ANKS1B: variants seen among roughly 807,000 people sequenced by gnomAD.
ANKS1B encodes the protein ankyrin repeat and sterile alpha motif domain containing 1B.
ANKS1B carries 36 observed loss-of-function variants against 148.3 expected under a neutral mutation model. The observed-to-expected ratio is 0.24, with a 90% CI of 0.19 to 0.32. The LOEUF (loss-of-function observed/expected upper bound fraction) is 0.32, where lower values mean the gene tolerates loss of function less well. Among genes scored for constraint, ANKS1B ranks in the 10% least tolerant of loss-of-function variants. The probability of loss-of-function intolerance (pLI) is 1.00; values close to 1 mark genes in which losing one functional copy is unlikely to be tolerated. For synonymous variants in ANKS1B, 542 were observed against 560.8 expected (o/e 0.97, Z 0.47); for missense variants, 1,157 against 1,542.6 (o/e 0.75, Z 4.19).
chr12:99,034,213 C>T lies in ANKS1B; in HGVS notation c.2778+18944G>A, dbSNP rs146741198. 2.0e-5 allele frequency among the ~76,000 whole-genome samples: 3 copies of T among 152,298 alleles called. No homozygotes were observed. The East Asian group carries it at 5.8e-4, about 29-fold the overall frequency. ...AGGAGTGGAGAAGAACCATGTTTGT[C>T]AGGAAGGCCCTGCATGCAAGAGAGC... On this transcript the variant is annotated intron_variant, in intron 17 of 26. Coordinates refer to ENST00000683438, the MANE Select transcript of ANKS1B (RefSeq NM_001352186.2).
intron 11 of ANKS1B, among the ~76,000 whole-genome samples, chr12:99,424,275 G>C (rs1274394177): frequency 6.6e-6 from 1 of 152,050 alleles, no homozygotes; most frequent in Admixed American, 6.6e-5. Context: ...TGGAGTCCAA[G>C]GATTAGGCCA....
intron 17 of ANKS1B, among the ~76,000 whole-genome samples, chr12:98,875,907 G>A (rs1291405260): frequency 0.05 from 5 of 100 alleles, no homozygotes; most frequent in African/African-American, 0.16. Context: ...GGGGTAACTG[G>A]GGTGTGCACC....
chr12:99,162,303 A>T (rs2076732883), intron 14 of ANKS1B, among the ~76,000 whole-genome samples: 1 of 152,120 alleles, frequency 6.6e-6, no homozygotes, highest in South Asian at 2.1e-4. Context: ...GTACCTTTTA[A>T]ATCAGTTACT....
At chr12:99,544,665 G>A (rs1004952100) in intron 9 of ANKS1B, among the ~76,000 whole-genome samples, 1 of 152,114 alleles carries the variant, frequency 6.6e-6, no homozygotes, top group African/African-American at 2.4e-5. Context: ...ACATTATTTA[G>A]TCATTCAGGA....
intron 8 of ANKS1B, among the ~76,000 whole-genome samples, chr12:99,741,314 G>A (rs12822752): frequency 0.44 from 66,295 of 151,626 alleles, 14,910 homozygotes; most frequent in South Asian, 0.61. Context: ...ATGGGAGTTC[G>A]ACCATTGTGG....
At chr12:99,809,773 C>T (rs2068095825) in intron 3 of ANKS1B, among the ~76,000 whole-genome samples, 1 of 151,810 alleles carries the variant, frequency 6.6e-6, no homozygotes, top group Non-Finnish European at 1.5e-5. Flanking sequence ...TATTAGAAAC[C>T]AAAGATAACT....
At chr12:99,777,863 C>G (rs1458447644) in intron 6 of ANKS1B, among the ~76,000 whole-genome samples, 1 of 151,488 alleles carries the variant, frequency 6.6e-6, no homozygotes, top group East Asian at 2.0e-4. Context: ...GGATTACAGG[C>G]ATGAGCCATC....
At chr12:98,789,392 G>T (rs1460195108) in intron 22 of ANKS1B, among the ~76,000 whole-genome samples, 2 of 151,412 alleles carry the variant, frequency 1.3e-5, no homozygotes. Flanking sequence ...ATAAGATCAG[G>T]GGTCTTGCTG....
intron 8 of ANKS1B, among the ~76,000 whole-genome samples, chr12:99,686,597 T>C (rs954377642): frequency 9.9e-5 from 15 of 152,142 alleles, no homozygotes; most frequent in Non-Finnish European, 1.9e-4. Context: ...AAGAATCCTA[T>C]TACCAAGCAA....
At chr12:99,630,231 T>C (rs2098144190) in intron 9 of ANKS1B, among the ~76,000 whole-genome samples, 1 of 152,140 alleles carries the variant, frequency 6.6e-6, no homozygotes, top group African/African-American at 2.4e-5. Flanking sequence ...TAAGCTACAA[T>C]AGAAATTTCT....
intron 9 of ANKS1B, chr12:99,649,267 G>A: frequency 6.3e-7 from 1 of 1,581,774 alleles, no homozygotes. Context: ...CACTGTCTTT[G>A]CTTATTTGTT....
chr12:99,128,160 C>T (rs1478419586), intron 15 of ANKS1B, among the ~76,000 whole-genome samples: 2 of 152,130 alleles, frequency 1.3e-5, no homozygotes, highest in East Asian at 1.9e-4. Flanking sequence ...TAGCCCTCAG[C>T]GTGGCTAATG....
intron 15 of ANKS1B, among the ~76,000 whole-genome samples, chr12:99,146,460 A>G (rs2073145126): frequency 6.6e-6 from 1 of 152,148 alleles, no homozygotes; most frequent in Non-Finnish European, 1.5e-5. Flanking sequence ...AGAAGGAAGA[A>G]AAAGGAATTC....
At chr12:99,929,007 C>G (rs561769485) in intron 1 of ANKS1B, among the ~76,000 whole-genome samples, 48 of 152,112 alleles carry the variant, frequency 3.2e-4, no homozygotes, top group Non-Finnish European at 5.9e-4. Context: ...ATCATGCTCA[C>G]AGATTGGAAA....
chr12:99,327,686 A>G (rs1481358342), intron 12 of ANKS1B, among the ~76,000 whole-genome samples: 5 of 149,954 alleles, frequency 3.3e-5, no homozygotes, highest in African/African-American at 1.2e-4. Context: ...AGCAAAATAA[A>G]AGTCGGTTTT....
intron 12 of ANKS1B, among the ~76,000 whole-genome samples, chr12:99,389,117 A>G (rs1192556078): frequency 6.6e-6 from 1 of 152,210 alleles, no homozygotes; most frequent in Non-Finnish European, 1.5e-5. Flanking sequence ...ACAGATTTGA[A>G]GAGTTGAGGT....
chr12:99,250,917 T>C (rs2074502148), intron 12 of ANKS1B, among the ~76,000 whole-genome samples: 1 of 152,148 alleles, frequency 6.6e-6, no homozygotes, highest in South Asian at 2.1e-4. Flanking sequence ...CAGATATTTA[T>C]TTCTCACAGG....
chr12:99,180,626 G>GTTTTTTTTTTT (rs11415606), intron 14 of ANKS1B, among the ~76,000 whole-genome samples: 1 of 126,042 alleles, frequency 7.9e-6, no homozygotes. Context: ...GAGGGAAAGG[G>GTTTTTTTTTTT]TTTTTTTTTT....
At chr12:99,377,900 T>G (rs2093457079) in intron 12 of ANKS1B, among the ~76,000 whole-genome samples, 1 of 152,170 alleles carries the variant, frequency 6.6e-6, no homozygotes, top group African/African-American at 2.4e-5. Flanking sequence ...GACTTGCTTG[T>G]AACAACAATA....
Sources: gnomAD v4.1 joint callset for allele counts (sites outside exome capture counted in the v4.1 genomes callset) on GRCh38, gnomAD v4.1.1 for gene constraint, MANE v1.5 for transcripts, NCBI Gene and HGNC (gene_info 2026-07-23, HGNC 2026-07-21) for gene names.